The following KANK1 variants were observed in gnomAD, a reference collection of about 807,000 sequenced individuals.
The protein encoded by KANK1 is KN motif and ankyrin repeat domains 1.
KANK1 carries 109 observed loss-of-function variants against 106.2 expected under a neutral mutation model. The ratio of observed to expected loss-of-function variants is 1.03; its 90% CI spans 0.88 to 1.20. The LOEUF (loss-of-function observed/expected upper bound fraction) is 1.20, where lower values mean the gene tolerates loss of function less well. KANK1 is among the 50% of genes most tolerant of loss of function. The pLI, the probability that KANK1 is intolerant of heterozygous loss-of-function variation, is 0.00. For missense variants in KANK1, 2,399 were observed against 1,710.7 expected (o/e 1.40, Z -7.10); for synonymous variants, 873 against 652.2 (o/e 1.34, Z -5.16).
chr9:545,784 C>T (rs1173186667), intron 1 of KANK1, among the ~76,000 whole-genome samples: 1 of 137,772 alleles, frequency 7.3e-6, no homozygotes, highest in Non-Finnish European at 1.5e-5. Context: ...GCTGCTCTGT[C>T]GCCCAGGATG....
chr9:599,749 A>G (rs1700504195), intron 1 of KANK1, among the ~76,000 whole-genome samples: 1 of 151,892 alleles, frequency 6.6e-6, no homozygotes, highest in Non-Finnish European at 1.5e-5. Flanking sequence ...GCATAAAGAG[A>G]GAATTGACTT....
intron 2 of KANK1, among the ~76,000 whole-genome samples, chr9:695,545 A>T (rs770794934): frequency 2.6e-5 from 4 of 151,854 alleles, no homozygotes; most frequent in Admixed American, 1.3e-4. Flanking sequence ...TGTAGAACTC[A>T]AGATTTTAGC....
Position 604,700 on chromosome 9 carries a change from C to T in KANK1, c.-83-72190C>T, listed in dbSNP as rs563751688. 1.6e-3 allele frequency among the ~76,000 whole-genome samples: 250 copies of T among 151,760 alleles called. 7 individuals carry two copies. The highest frequency in any genetic ancestry group is 5.7e-3 in the African/African-American group (234 of 41,118). On this transcript the variant is annotated intron_variant, in intron 1 of 11. Coordinates refer to ENST00000382297, the MANE Select transcript of KANK1 (RefSeq NM_015158.5). ...ACAAAAATTAGCCGGGCGGGTGGCG[C>T]ACACCTGTAATCTCAGCTGTTCGGG...
At chr9:623,976 C>T (rs1039224869) in intron 1 of KANK1, among the ~76,000 whole-genome samples, 4 of 152,106 alleles carry the variant, frequency 2.6e-5, no homozygotes, top group African/African-American at 9.6e-5. Context: ...TGGAAACAAC[C>T]CAAGTGCCAT....
chr9:727,897 C>T (rs1397990001), intron 3 of KANK1, among the ~76,000 whole-genome samples: 4 of 152,108 alleles, frequency 2.6e-5, no homozygotes, highest in Admixed American at 6.6e-5. Context: ...GGAATAGATC[C>T]CTCCTGTCAG....
At chr9:588,663 T>C (rs770880152) in intron 1 of KANK1, among the ~76,000 whole-genome samples, 2 of 152,186 alleles carry the variant, frequency 1.3e-5, no homozygotes, top group Non-Finnish European at 2.9e-5. Flanking sequence ...TCTAATGCTG[T>C]AGTAGTCATG....
intron 2 of KANK1, among the ~76,000 whole-genome samples, chr9:703,515 G>T (rs1205387729): frequency 6.6e-6 from 1 of 152,062 alleles, no homozygotes; most frequent in Admixed American, 6.5e-5. Context: ...TGGATTTCCA[G>T]ACATTCAAAA....
chr9:564,342 G>C (rs1394738798), intron 1 of KANK1, among the ~76,000 whole-genome samples: 1 of 152,104 alleles, frequency 6.6e-6, no homozygotes, highest in Non-Finnish European at 1.5e-5. Context: ...GATTACAGGA[G>C]GGAGCCACCG....
intron 2 of KANK1, chr9:686,942 G>A (rs1049856496): frequency 1.0e-6 from 1 of 984,986 alleles, no homozygotes. Context: ...CTTAGGGCTG[G>A]GGGCTTTTCC....
chr9:707,157 G>T, intron 2 of KANK1: 1 of 985,658 alleles, frequency 1.0e-6, no homozygotes, highest in South Asian at 4.7e-5. Flanking sequence ...ACGGGGTGAG[G>T]ATCGAGGGCG....
chr9:742,497 C>A, intron 10 of KANK1, 92 bp downstream of exon 10: 1 of 922,414 alleles, frequency 1.1e-6, no homozygotes, highest in South Asian at 1.7e-5. Flanking sequence ...GCGACCAAAT[C>A]CTCCTCTATT....
intron 1 of KANK1, among the ~76,000 whole-genome samples, chr9:644,086 C>T (rs1318441957): frequency 1.3e-5 from 2 of 150,928 alleles, no homozygotes; most frequent in African/African-American, 5.0e-5. Flanking sequence ...CTTACCAATG[C>T]AGTGATTACA....
chr9:591,513 C>A (rs967796429), intron 1 of KANK1, among the ~76,000 whole-genome samples: 7 of 151,746 alleles, frequency 4.6e-5, no homozygotes, highest in Non-Finnish European at 5.9e-5. Flanking sequence ...CACCCTTGAA[C>A]ACTATGTTCC....
chr9:675,686 A>G (rs1405038443), intron 1 of KANK1, among the ~76,000 whole-genome samples: 4 of 152,162 alleles, frequency 2.6e-5, no homozygotes, highest in African/African-American at 7.2e-5. Flanking sequence ...AAGGGGTCTT[A>G]ATCCAGACCC....
At chr9:729,709 A>T (rs932350355) in intron 3 of KANK1, among the ~76,000 whole-genome samples, 1 of 152,188 alleles carries the variant, frequency 6.6e-6, no homozygotes, top group African/African-American at 2.4e-5. Flanking sequence ...TAATGATGGC[A>T]TTGGAGCTGG....
At chr9:562,464 G>A (rs1365621791) in intron 1 of KANK1, among the ~76,000 whole-genome samples, 1 of 152,198 alleles carries the variant, frequency 6.6e-6, no homozygotes, top group African/African-American at 2.4e-5. Context: ...AGAGCTCAAA[G>A]TGATTTTGCA....
At chr9:556,009 AT>A (rs1260844862) in intron 1 of KANK1, among the ~76,000 whole-genome samples, 1 of 152,214 alleles carries the variant, frequency 6.6e-6, no homozygotes, top group African/African-American at 2.4e-5. Context: ...TGACTTTTTA[AT>A]CATACTATAA....
At chr9:557,671 G>A (rs928273912) in intron 1 of KANK1, among the ~76,000 whole-genome samples, 2 of 152,202 alleles carry the variant, frequency 1.3e-5, no homozygotes, top group African/African-American at 4.8e-5. Context: ...GGGTGAGGAA[G>A]AACAGGAGAA....
At chr9:563,351 A>C (rs774889018) in intron 1 of KANK1, among the ~76,000 whole-genome samples, 2 of 152,184 alleles carry the variant, frequency 1.3e-5, no homozygotes, top group Non-Finnish European at 2.9e-5. Flanking sequence ...TAAACTGTGA[A>C]TATTCCATTA....
Sources: allele counts gnomAD v4.1 joint callset (sites outside exome capture counted in the v4.1 genomes callset), GRCh38; gene constraint gnomAD v4.1.1; transcripts MANE v1.5; gene names NCBI Gene and HGNC (gene_info 2026-07-23, HGNC 2026-07-21).